The following ADAMTS1 variants were observed in gnomAD, a reference collection of about 807,000 sequenced individuals.
ADAMTS1 encodes ADAM metallopeptidase with thrombospondin type 1 motif 1, also known as A disintegrin and metalloproteinase with thrombospondin motifs 1.
Under a neutral mutation model 87.9 loss-of-function variants are expected in ADAMTS1, and 19 were observed. The observed-to-expected ratio is 0.22, with a 90% CI of 0.15 to 0.32. The LOEUF (loss-of-function observed/expected upper bound fraction) is 0.32. ADAMTS1 is among the 10% of genes least tolerant of loss of function. The pLI is 1.00. For synonymous variants in ADAMTS1, 542 were observed against 501.8 expected (o/e 1.08, Z -1.07); for missense variants, 1,240 against 1,259.1 (o/e 0.98, Z 0.23).
intron 2 of ADAMTS1, 59 bp from the exon 3 acceptor site, chr21:26,842,049 C>T: frequency 6.4e-7 from 1 of 1,567,912 alleles, no homozygotes. Flanking sequence ...TGGGATCTAA[C>T]TTTTTTGGCA....
chr21:26,842,803 C>T, intron 1 of ADAMTS1, 118 bp from the exon 2 acceptor site: 1 of 741,926 alleles, frequency 1.3e-6, no homozygotes, highest in African/African-American at 1.8e-5. Context: ...ATACCCAGAA[C>T]AACAATAACA....
At position 26,838,374 on chromosome 21, in the gene ADAMTS1, T is replaced by C. The variant is rs2830550; in HGVS notation, c.2204+65A>G. The C allele has an allele frequency of 1.1e-3, 1,784 of 1,591,942 alleles. 25 individuals are homozygous for C. In the African/African-American group the frequency reaches 0.022, roughly 20 times the overall value. On this transcript the variant is annotated intron_variant, in intron 8 of 8. Transcript: ENST00000284984. Reference sequence around the variant, plus strand: ...TTAATCTTTTATGAGACATATTTTTTTCCCAGACCTGTTGAAAGGCCCATT... The same window carrying C: ...TTAATCTTTTATGAGACATATTTTTCTCCCAGACCTGTTGAAAGGCCCATT...
intron 4 of ADAMTS1, among the ~76,000 whole-genome samples, chr21:26,840,785 C>A (rs868414052): frequency 2.6e-5 from 4 of 152,054 alleles, no homozygotes; most frequent in African/African-American, 9.7e-5. Context: ...TATTGATCTG[C>A]GAACAATGTG....
chr21:26,844,096 C>G, intron 1 of ADAMTS1, 129 bp downstream of exon 1: 1 of 1,212,520 alleles, frequency 8.2e-7, no homozygotes, highest in Non-Finnish European at 1.1e-6. Context: ...TTCCTCCACT[C>G]CAGGCCTCCG....
intron 4 of ADAMTS1, 119 bp downstream of exon 4, chr21:26,840,879 A>T: frequency 7.9e-7 from 1 of 1,273,192 alleles, no homozygotes; most frequent in Non-Finnish European, 1.1e-6. Context: ...ATCTTGACAG[A>T]GGAAAAGTAA....
At position 26,844,544 on chromosome 21, in the gene ADAMTS1, G is replaced by T. The variant is rs928811879; in HGVS notation, c.411C>A (p.Ala137=). Residue 137 remains alanine, a synonymous_variant, in exon 1 of 9, where the codon GCC becomes GCA. Transcript: ENST00000284984. ...GCACGCCCTCGCAGAGGCTGAGGGC[G>T]GCAGCCGAGCTGGGATCGCCATTCA... The part of the protein sequence containing the change: ...GTVNGDPSSA[A]ALSLCEGVRG... 1.2e-6 allele frequency: 2 copies of T among 1,606,476 alleles called. No individual in the cohort carries two copies. The highest frequency in any genetic ancestry group is 1.7e-6 in the Non-Finnish European group (2 of 1,177,074).
chr21:26,842,900 G>T lies in ADAMTS1; in HGVS notation c.731-215C>A, dbSNP rs550884411. 4.9e-5 allele frequency: 28 copies of T among 567,846 alleles called. No individual in the cohort carries two copies. In the South Asian group the frequency reaches 6.1e-4, roughly 12 times the overall value. The allele number at this position is 567,846 out of a possible 1,614,324, so 35.2% of individuals were successfully genotyped here. A position where few individuals can be genotyped will look rare whatever the true frequency, so the allele number is the denominator to read the frequency against. On this transcript the variant is annotated intron_variant, in intron 1 of 8. Transcript: ENST00000284984. ...AAAAAGACCACGCGCTCCTTTGCAT[G>T]GTCAGGATCTTTCTGTGTGTGAGCA...
In ADAMTS1 at chr21:26,839,634, T is replaced by A; in HGVS notation, c.1981A>T (p.Ile661Phe). The A allele has an allele frequency of 6.2e-7, 1 of 1,609,722 alleles. No homozygotes were observed. The highest frequency in any genetic ancestry group is 2.2e-5 in the East Asian group (1 of 44,728). ...TAGCCAATGCCTTTGGCTTGGCAGA[T>A]GAGCTTGCACCTGTCCTTTGGTGAG... Reference protein sequence around the residue: ...GVSPKDRCKLICQAKGIGYFF... With the variant: ...GVSPKDRCKLFCQAKGIGYFF... Residue 661 changes from isoleucine (I) to phenylalanine (F), a missense_variant, in exon 7 of 9, where the codon ATC (isoleucine) becomes TTC (phenylalanine). Coordinates refer to ENST00000284984, the MANE Select transcript of ADAMTS1 (RefSeq NM_006988.5).
chr21:26,841,710 T>C, intron 3 of ADAMTS1, 148 bp downstream of exon 3: 2 of 905,078 alleles, frequency 2.2e-6, no homozygotes, highest in East Asian at 2.7e-5. Flanking sequence ...AATGACCATG[T>C]TTGAAATAGT....
chr21:26,840,060 G>T lies in ADAMTS1; in HGVS notation c.1667C>A (p.Thr556Lys), dbSNP rs142639689. The change falls in exon 6 of 9, where the codon ACG becomes AAG. Residue 556 changes from threonine (T) to lysine (K), a missense_variant and splice_region_variant. Around this residue, in one of 3 missense-constraint regions of ADAMTS1, gnomAD observed 317 missense variants for 410.3 expected, o/e 0.77. Coordinates refer to ENST00000284984, the MANE Select transcript of ADAMTS1 (RefSeq NM_006988.5). The part of the protein sequence containing the change: ...VNKTDRKHFD[T>K]PFHGSWGMWG... ...CATTCCCCAGCTTCCATGAAAAGGCGTCTAAATGGAGACATAAATCATCAG... is the reference window on the plus strand; with the variant it reads ...CATTCCCCAGCTTCCATGAAAAGGCTTCTAAATGGAGACATAAATCATCAG... 5.6e-6 allele frequency: 9 copies of T among 1,612,002 alleles called. No homozygotes were observed. Among genetic ancestry groups the T allele is most frequent in the Non-Finnish European group, 7.6e-6 (9 of 1,179,454 alleles).
At chr21:26,840,927 G>C in intron 4 of ADAMTS1, 71 bp downstream of exon 4, 4 of 1,499,020 alleles carry the variant, frequency 2.7e-6, no homozygotes, top group African/African-American at 1.4e-5. Context: ...AAAAAGGAAA[G>C]AGTTCATTTA....
In ADAMTS1 at chr21:26,835,808, C is replaced by G. The variant is rs1396866929; in HGVS notation, c.*1771G>C. The G allele has an allele frequency of 1.2e-4, 19 of 152,216 alleles. No homozygotes were observed. The highest frequency in any genetic ancestry group is 1.2e-3 in the Admixed American group (19 of 15,286). The allele number at this position is 152,216 out of a possible 1,614,324, so 9.4% of individuals were successfully genotyped here. On this transcript the variant is annotated 3_prime_UTR_variant, in exon 9 of 9. Coordinates refer to ENST00000284984, the MANE Select transcript of ADAMTS1 (RefSeq NM_006988.5). ...ATATACCAGGGTTGGCAAACTGAAT[C>G]TGCAGAACAAATCTGACCCATTATT... is the stretch of plus-strand genomic sequence containing the variant.
Position 26,838,081 on chromosome 21 carries a change from T to C in ADAMTS1, c.2402A>G (p.Tyr801Cys). 6.2e-7 allele frequency: 1 copy of C among 1,614,188 alleles called. No homozygotes were observed. The highest frequency in any genetic ancestry group is 8.5e-7 in the Non-Finnish European group (1 of 1,180,024). ...TTCCAATGCCGCAGAGGAGCCGCTG[T>C]ACCTCAAGACAACACCTTTGTACAT... ...DIMYKGVVLR[Y>C]SGSSAALERI... Residue 801 changes from tyrosine (Y) to cysteine (C), a missense_variant, in exon 9 of 9, where the codon TAC becomes TGC. Around this residue, in one of 3 missense-constraint regions of ADAMTS1, gnomAD observed 402 missense variants for 399.1 expected, o/e 1.01. Coordinates refer to ENST00000284984, the MANE Select transcript of ADAMTS1 (RefSeq NM_006988.5).
At chr21:26,842,018 T>G (rs761628591) in intron 2 of ADAMTS1, 28 bp from the exon 3 acceptor site, 1 of 1,608,568 alleles carries the variant, frequency 6.2e-7, no homozygotes, top group South Asian at 1.1e-5. Context: ...AAATACTTAT[T>G]AATAAGGGGA....
At chr21:26,843,962 G>A (rs1320903056) in intron 1 of ADAMTS1, among the ~76,000 whole-genome samples, 1 of 152,182 alleles carries the variant, frequency 6.6e-6, no homozygotes. Flanking sequence ...CTCCCTCCCC[G>A]GCCTAAATGC....
At chr21:26,840,673 T>G in intron 4 of ADAMTS1, 111 bp from the exon 5 acceptor site, 1 of 1,261,864 alleles carries the variant, frequency 7.9e-7, no homozygotes, top group Non-Finnish European at 1.1e-6. Context: ...CAAAGTGATC[T>G]GAAAACTGTA....
At chr21:26,842,184 T>C (rs1050315944) in intron 2 of ADAMTS1, among the ~76,000 whole-genome samples, 155 bp downstream of exon 2, 1 of 152,210 alleles carries the variant, frequency 6.6e-6, no homozygotes, top group Non-Finnish European at 1.5e-5. Flanking sequence ...ACTTGAGATA[T>C]TTAAATTACA....
In ADAMTS1 at chr21:26,840,170, G is replaced by A. The variant is rs149626652; in HGVS notation, c.1665+106C>T. The stretch of plus-strand genomic sequence containing the variant: ...ATCAGTTCTAAAAATAAGCTATCTC[G>A]CATTCCTGCTAGAGGACACGGATGG... On this transcript the variant is annotated intron_variant, in intron 5 of 8. Coordinates refer to ENST00000284984, the MANE Select transcript of ADAMTS1 (RefSeq NM_006988.5). The A allele has an allele frequency of 1.1e-4, 165 of 1,546,834 alleles. 2 individuals are homozygous for A. The highest frequency in any genetic ancestry group is 6.0e-4 in the South Asian group (48 of 80,222).
chr21:26,843,910 A>G (rs1985550711), intron 1 of ADAMTS1: 2 of 501,338 alleles, frequency 4.0e-6, no homozygotes, highest in South Asian at 3.9e-5. Flanking sequence ...AACTCGCACA[A>G]GCTCCAACTC....
Sources: gnomAD v4.1 joint callset for allele counts (sites outside exome capture counted in the v4.1 genomes callset) on GRCh38, gnomAD v4.1.1 for gene constraint, gnomAD v4.1.1 regional missense constraint, MANE v1.5 for transcripts, NCBI Gene and HGNC (gene_info 2026-07-23, HGNC 2026-07-21) for gene names.